The following ALDH16A1 variants were observed in gnomAD, a reference collection of about 807,000 sequenced individuals.
ALDH16A1 encodes the protein aldehyde dehydrogenase family 16 member A1.
A neutral mutation model predicts 96.1 loss-of-function variants in ALDH16A1; 88 were observed. The ratio of observed to expected loss-of-function variants is 0.92; its 90% CI spans 0.77 to 1.09. ALDH16A1 has a LOEUF of 1.09. ALDH16A1 is among the 50% of genes least tolerant of loss of function. The probability of loss-of-function intolerance (pLI) is 0.00; values close to 1 mark genes in which losing one functional copy is unlikely to be tolerated. For missense variants in ALDH16A1, 1,250 were observed against 1,112.6 expected, an observed-to-expected ratio of 1.12 and a Z score of -1.76; for synonymous variants, 522 against 496.4, an observed-to-expected ratio of 1.05 and a Z score of -0.69.
In ALDH16A1 at chr19:49,468,975, G is replaced by T; in HGVS notation, c.2236G>T (p.Gly746Ter). The T allele has an allele frequency of 6.2e-7, 1 of 1,612,552 alleles. No homozygotes were observed. The highest frequency in any genetic ancestry group is 8.5e-7 in the Non-Finnish European group (1 of 1,179,140). ...HQDVQAMWYF[G>*]SAQGSQFVEW... The stretch of plus-strand genomic sequence containing the variant: ...AGACGTCCAGGCCATGTGGTATTTC[G>T]GATCAGCCCAGGTGCTCTTTGTTCT... Residue 746 changes from glycine to a stop codon, truncating the protein, a stop_gained, in exon 16 of 17, where the codon GGA (glycine) becomes TGA (stop). Transcript: ENST00000293350. LOFTEE classifies it high-confidence loss of function. The surrounding 1 kb of genome is among the most constrained non-coding windows in gnomAD (Gnocchi z 4.4).
At chr19:49,456,418 ACT>A (rs1326154686) in intron 1 of ALDH16A1, among the ~76,000 whole-genome samples, 2 of 152,026 alleles carry the variant, frequency 1.3e-5, no homozygotes, top group East Asian at 3.9e-4. Context: ...ACAGGATCTT[ACT>A]CTGTCGCCCA....
At chr19:49,457,589 T>A (rs1280462853) in intron 1 of ALDH16A1, among the ~76,000 whole-genome samples, 1 of 149,978 alleles carries the variant, frequency 6.7e-6, no homozygotes, top group Non-Finnish European at 1.5e-5. Flanking sequence ...ATGGAGGAGA[T>A]GTGGTGAGTG....
At chr19:49,466,714 G>A (rs565450449) in intron 14 of ALDH16A1, among the ~76,000 whole-genome samples, 1 of 150,876 alleles carries the variant, frequency 6.6e-6, no homozygotes, top group African/African-American at 2.4e-5. Flanking sequence ...CAAAAAATTA[G>A]CTGGGTACGG....
In ALDH16A1 at chr19:49,468,626, G is replaced by A. The variant is rs960209717; in HGVS notation, c.2124+60G>A. On this transcript the variant is annotated intron_variant, in intron 15 of 16. Transcript: ENST00000293350. This position sits in a 1 kb window ranked among gnomAD's most constrained non-coding sequence, Gnocchi z 4.4. ...TAGCCTCAGGGCAGCAGAAAAAGGC[G>A]CCCCAAAGTCGGCAGGAGCTTGTCT... 52 of 1,568,740 alleles carry A rather than the reference G, an allele frequency of 3.3e-5. No individual in the cohort carries two copies. Among genetic ancestry groups the A allele is most frequent in the Admixed American group, 2.6e-4 (15 of 57,440 alleles).
chr19:49,454,641 C>G (rs1277185512), intron 1 of ALDH16A1, among the ~76,000 whole-genome samples: 1 of 152,146 alleles, frequency 6.6e-6, no homozygotes, highest in East Asian at 1.9e-4. Context: ...AGCACCCAGG[C>G]GAAAGGAGCT....
At chr19:49,469,220 C>T (rs950307968) in intron 16 of ALDH16A1, 1 of 465,296 alleles carries the variant, frequency 2.1e-6, no homozygotes, top group Non-Finnish European at 3.7e-6. Context: ...GGGGACAGCC[C>T]GTTGCTAAGG....
rs754705292 is a variant in ALDH16A1, at chr19:49,461,771, C to T, written c.730C>T (p.Arg244Trp). ...VPILASQPGIRKVAFCGAPEE... is the reference protein window; with the variant it reads ...VPILASQPGIWKVAFCGAPEE... ...CATCCTGGCCTCCCAGCCTGGAATC[C>T]GGAAGGTGGCCTTCTGCGGAGCCCC... Residue 244 changes from arginine (R) to tryptophan (W), a missense_variant, in exon 6 of 17, where the codon CGG (arginine) becomes TGG (tryptophan). Coordinates refer to ENST00000293350, the MANE Select transcript of ALDH16A1 (RefSeq NM_153329.4). 27 of 1,611,082 alleles carry T rather than the reference C, an allele frequency of 1.7e-5. No individual in the cohort carries two copies. The highest frequency in any genetic ancestry group is 2.2e-5 in the East Asian group (1 of 44,790).
At position 49,461,467 on chromosome 19, in the gene ALDH16A1, GGGGGCCTGGACTCCTGAGTCT is replaced by G; in HGVS notation, c.578-150_578-130del. ...TCCGGGGTCTGAGGGAGGAGGGGCT[GGGGGCCTGGACTCCTGAGTCT>G]GAGGGAGGAGGGGCTGGAGTCTGGA... is the stretch of plus-strand genomic sequence containing the variant. On this transcript the variant is annotated intron_variant, in intron 5 of 16. Coordinates refer to ENST00000293350, the MANE Select transcript of ALDH16A1 (RefSeq NM_153329.4). 7.4e-5 allele frequency: 8 copies of G among 108,210 alleles called. 2 individuals carry two copies. The highest frequency in any genetic ancestry group is 9.1e-5 in the Non-Finnish European group (5 of 55,190). The allele number at this position is 108,210 out of a possible 1,614,324, so 6.7% of individuals were successfully genotyped here.
In ALDH16A1 at chr19:49,459,869, G is replaced by A; in HGVS notation, c.499+21G>A. The A allele has an allele frequency of 6.2e-7, 1 of 1,604,392 alleles. No homozygotes were observed. Among genetic ancestry groups the A allele is most frequent in the Non-Finnish European group, 8.5e-7 (1 of 1,176,830 alleles). ...CATGGGTGAGACCCTGGAGTCCCTAGCCCTATCCTCCCACATGACTCAGCA... is the reference window on the plus strand; with the variant it reads ...CATGGGTGAGACCCTGGAGTCCCTAACCCTATCCTCCCACATGACTCAGCA... On this transcript the variant is annotated intron_variant, in intron 4 of 16. Transcript: ENST00000293350. This position sits in a 1 kb window ranked among gnomAD's most constrained non-coding sequence, Gnocchi z 4.1.
chr19:49,460,976 G>C lies in ALDH16A1; in HGVS notation c.577+77G>C. 4 of 1,477,944 alleles carry C rather than the reference G, an allele frequency of 2.7e-6. 1 individual carries two copies. In the South Asian group the frequency reaches 4.5e-5, roughly 17 times the overall value. 91.6% of individuals were successfully genotyped at this position (1,477,944 alleles called of 1,614,324 possible). On this transcript the variant is annotated intron_variant, in intron 5 of 16. Transcript: ENST00000293350. ...TCGTGGGGCCCAAACTCCAGAGTCTGAGAGACAAGGGGGCTGGAGGCCTGG... is the reference window on the plus strand; with the variant it reads ...TCGTGGGGCCCAAACTCCAGAGTCTCAGAGACAAGGGGGCTGGAGGCCTGG...
Position 49,468,670 on chromosome 19 carries a change from G to A in ALDH16A1, c.2124+104G>A. 4 of 1,456,194 alleles carry A rather than the reference G, an allele frequency of 2.7e-6. No individual in the cohort carries two copies. Among genetic ancestry groups the A allele is most frequent in the Non-Finnish European group, 3.7e-6 (4 of 1,078,380 alleles). The allele number at this position is 1,456,194 out of a possible 1,614,324, so 90.2% of individuals were successfully genotyped here. A position where few individuals can be genotyped will look rare whatever the true frequency, so the allele number is the denominator to read the frequency against. ...CTTGTCTCTTACCCCACCCTCCGTGGTACCCATGCTGCCCCCAGCCCCAGC... is the reference window on the plus strand; with the variant it reads ...CTTGTCTCTTACCCCACCCTCCGTGATACCCATGCTGCCCCCAGCCCCAGC... On this transcript the variant is annotated intron_variant, in intron 15 of 16. Transcript: ENST00000293350. This position sits in a 1 kb window ranked among gnomAD's most constrained non-coding sequence, Gnocchi z 4.4.
At chr19:49,463,104 T>C (rs2079167070) in intron 8 of ALDH16A1, among the ~76,000 whole-genome samples, 1 of 37,328 alleles carries the variant, frequency 2.7e-5, no homozygotes, top group Admixed American at 2.2e-4. Context: ...CCCGGATTCC[T>C]GGGTCTGAGG....
At chr19:49,466,022 G>A in intron 13 of ALDH16A1, 60 bp from the exon 14 acceptor site, 1 of 1,536,876 alleles carries the variant, frequency 6.5e-7, no homozygotes, top group Non-Finnish European at 8.8e-7. Flanking sequence ...GGACAGAGGT[G>A]GGGTGTCAGG....
At position 49,463,864 on chromosome 19, in the gene ALDH16A1, C is replaced by A; in HGVS notation, c.1109C>A (p.Ala370Asp). The part of the protein sequence containing the change: ...AQSQGAQVFQ[A>D]GDVPSERPFY... ...CATTTCTCTCCCTAGGTGTTCCAGG[C>A]TGGTGATGTGCCTTCGGAACGCCCA... Residue 370 changes from alanine to aspartate, a missense_variant, in exon 9 of 17, where the codon GCT (alanine) becomes GAT (aspartate). Physicochemically the swap from Ala to Asp is moderately radical, Grantham distance 126. Coordinates refer to ENST00000293350, the MANE Select transcript of ALDH16A1 (RefSeq NM_153329.4). 6.2e-7 allele frequency: 1 copy of A among 1,613,192 alleles called. No individual in the cohort carries two copies. Among genetic ancestry groups the A allele is most frequent in the Non-Finnish European group, 8.5e-7 (1 of 1,179,454 alleles).
intron 4 of ALDH16A1, 92 bp from the exon 5 acceptor site, chr19:49,460,730 C>T (rs11668181): frequency 0.31 from 184,046 of 597,504 alleles, 19,906 homozygotes; most frequent in Middle Eastern, 0.35. Context: ...TTTTTTTTTT[C>T]CTAATGTAGC....
chr19:49,454,602 G>T (rs780371441), intron 1 of ALDH16A1, among the ~76,000 whole-genome samples: 5 of 152,110 alleles, frequency 3.3e-5, no homozygotes, highest in Non-Finnish European at 7.4e-5. Context: ...ATTCCTTCAC[G>T]GGGCTCTCAT....
chr19:49,464,274 G>T lies in ALDH16A1; in HGVS notation c.1331+11G>T, dbSNP rs180723300. The T allele has an allele frequency of 6.3e-7, 1 of 1,599,936 alleles. No individual in the cohort carries two copies. The highest frequency in any genetic ancestry group is 1.3e-5 in the African/African-American group (1 of 74,968). Reference sequence around the variant, plus strand: ...GGAGCTGGGCTATGGGTCAGTCTGCGTGGCCCGGGCGCTCACTCCTCTCCT... The same window carrying T: ...GGAGCTGGGCTATGGGTCAGTCTGCTTGGCCCGGGCGCTCACTCCTCTCCT... On this transcript the variant is annotated intron_variant, in intron 10 of 16. Transcript: ENST00000293350.
At chr19:49,461,855 CCTGCGG>C in intron 6 of ALDH16A1, 23 bp from the exon 7 acceptor site, 1 of 1,596,380 alleles carries the variant, frequency 6.3e-7, no homozygotes. Flanking sequence ...CAAGGCTCCT[CCTGCGG>C]CTGAACTGGG....
rs1601024966 is a variant in ALDH16A1, at chr19:49,461,127, C to A, written c.577+228C>A. Among the ~76,000 whole-genome samples, 11 of 143,334 alleles carry A rather than the reference C, an allele frequency of 7.7e-5. No individual in the cohort carries two copies. The South Asian group carries it at 2.4e-3, about 32-fold the overall frequency. 94.0% of individuals were successfully genotyped at this position (143,334 alleles called of 152,430 possible). On this transcript the variant is annotated intron_variant, in intron 5 of 16. Transcript: ENST00000293350. ...GGAGCTGGAGTCTGGACTCCTGAGTCTGAGGGAGGAGGGGCTGGAGTCTGG... is the reference window on the plus strand; with the variant it reads ...GGAGCTGGAGTCTGGACTCCTGAGTATGAGGGAGGAGGGGCTGGAGTCTGG...
Sources: allele counts gnomAD v4.1 joint callset (sites outside exome capture counted in the v4.1 genomes callset), GRCh38; gene constraint gnomAD v4.1.1; non-coding constraint Gnocchi (gnomAD v3.1); transcripts MANE v1.5; gene names NCBI Gene and HGNC (gene_info 2026-07-23, HGNC 2026-07-21).